ABCC12: variants seen among roughly 807,000 people sequenced by gnomAD.
ABCC12 encodes the protein ATP-binding cassette sub-family C member 12.
ABCC12 carries 142 observed loss-of-function variants against 151.1 expected under a neutral mutation model. The observed-to-expected ratio is 0.94, with a 90% CI of 0.82 to 1.08. The LOEUF is 1.08. Ranked by LOEUF, ABCC12 falls within the 50% of genes least tolerant of loss-of-function variation. ABCC12 has a pLI of 0.00. For synonymous variants in ABCC12, 645 were observed against 646.4 expected, an observed-to-expected ratio of 1.00 and a Z score of 0.03; for missense variants, 1,638 against 1,691.1, an observed-to-expected ratio of 0.97 and a Z score of 0.55.
intron 13 of ABCC12, among the ~76,000 whole-genome samples, chr16:48,119,108 A>C (rs1379447687): frequency 1.3e-5 from 2 of 152,194 alleles, no homozygotes. Flanking sequence ...TGAGAGCCAC[A>C]GTTTCTGCCC....
chr16:48,144,139 G>A, intron 3 of ABCC12, 74 bp from the exon 4 acceptor site: 1 of 1,521,650 alleles, frequency 6.6e-7, no homozygotes, highest in Non-Finnish European at 8.9e-7. Flanking sequence ...GATTGAACTT[G>A]TAACTACAGC....
chr16:48,099,713 C>T (rs1567446330), intron 23 of ABCC12, among the ~76,000 whole-genome samples: 2 of 152,162 alleles, frequency 1.3e-5, no homozygotes, highest in African/African-American at 4.8e-5. Flanking sequence ...CCCCTGGGTC[C>T]TCCTTCCTGG....
chr16:48,141,416 C>T (rs971813032), intron 4 of ABCC12, 63 bp from the exon 5 acceptor site: 9 of 1,590,880 alleles, frequency 5.7e-6, no homozygotes, highest in Non-Finnish European at 7.7e-6. Context: ...TGAAGCTACG[C>T]TGTTGGGCAT....
chr16:48,115,927 G>A (rs1597313330), intron 14 of ABCC12, among the ~76,000 whole-genome samples: 1 of 152,226 alleles, frequency 6.6e-6, no homozygotes, highest in African/African-American at 2.4e-5. Flanking sequence ...CACAGGGAGG[G>A]GCTACGTCAT....
At position 48,128,606 on chromosome 16, in the gene ABCC12, C is replaced by T; in HGVS notation, c.1368G>A (p.Leu456=). ...TGCATAAATGCCTTTTCTGGTTCTG[C>T]AATTTCTTTGGGGTACTTTTCCTGC... ...EASRKSTPKK[L]QNQKRHLCKK... is the part of the protein sequence containing the mutation. The change falls in exon 11 of 31, where the codon TTG becomes TTA. Residue 456 remains leucine (L), a synonymous_variant. Coordinates refer to ENST00000311303, the MANE Select transcript of ABCC12 (RefSeq NM_001393797.1). 1 of 1,614,222 alleles carries T rather than the reference C, an allele frequency of 6.2e-7. No homozygotes were observed.
rs1597301737 is a variant in ABCC12 at position 48,091,178 on chromosome 16, G to C, written c.3227C>G (p.Thr1076Arg). ...LSGLLQVCVR[T>R]GTETQAKFTS... The stretch of plus-strand genomic sequence containing the variant: ...GAATTTGGCTTGCGTCTCTGTTCCC[G>C]TTCGCACACACACTTGGAGCAGTCC... The change falls in exon 25 of 31, where the codon ACG becomes AGG. Residue 1076 changes from threonine to arginine, a missense_variant. Coordinates refer to ENST00000311303, the MANE Select transcript of ABCC12 (RefSeq NM_001393797.1). 2 of 1,613,968 alleles carry C rather than the reference G, an allele frequency of 1.2e-6. No individual in the cohort carries two copies. The highest frequency in any genetic ancestry group is 2.7e-5 in the African/African-American group (2 of 74,898).
chr16:48,146,316 G>A lies in ABCC12; in HGVS notation c.109C>T (p.Pro37Ser). The A allele has an allele frequency of 6.2e-7, 1 of 1,614,112 alleles. No individual in the cohort carries two copies. The highest frequency in any genetic ancestry group is 8.5e-7 in the Non-Finnish European group (1 of 1,179,990). The change falls in exon 3 of 31, where the codon CCC becomes TCC. Residue 37 changes from proline (P) to serine (S), a missense_variant. Pro to Ser is a moderately conservative substitution (Grantham distance 74, BLOSUM62 -1). Coordinates refer to ENST00000311303, the MANE Select transcript of ABCC12 (RefSeq NM_001393797.1). ...PSLKTMIPVR[P>S]CARLAPNPVD... ...CTTCTTCTGACTTACCTTGCACAGG[G>A]TCGCACTGGGATCATGGTCTTCAGG... is the stretch of plus-strand genomic sequence containing the variant.
intron 18 of ABCC12, among the ~76,000 whole-genome samples, chr16:48,110,222 G>C (rs370318528): frequency 6.6e-6 from 1 of 152,078 alleles, no homozygotes; most frequent in East Asian, 1.9e-4. Flanking sequence ...TCATCGATTC[G>C]AAGGCTCACT....
In ABCC12 at chr16:48,140,702, G is replaced by C; in HGVS notation, c.642C>G (p.His214Gln). 1.2e-6 allele frequency: 2 copies of C among 1,614,142 alleles called. No homozygotes were observed. Among genetic ancestry groups the C allele is most frequent in the Admixed American group, 3.3e-5 (2 of 60,026 alleles). ...ENLVSFKTLT[H>Q]ISVGEVLNIL... ...GCCAGCTTACCTCGCCAACAGAGAT[G>C]TGGGTCAATGTCTTGAAGGACACTA... Residue 214 changes from histidine (H) to glutamine (Q), a missense_variant, in exon 6 of 31, where the codon CAC becomes CAG. Physicochemically the swap from His to Gln is conservative, Grantham distance 24. Transcript: ENST00000311303.
chr16:48,089,080 A>G (rs1470141561), intron 25 of ABCC12, among the ~76,000 whole-genome samples: 1 of 152,214 alleles, frequency 6.6e-6, no homozygotes, highest in Admixed American at 6.5e-5. Context: ...GATGTCAGCT[A>G]CAAGAGAATC....
intron 23 of ABCC12, among the ~76,000 whole-genome samples, chr16:48,097,257 C>A (rs1253668610): frequency 6.6e-6 from 1 of 151,992 alleles, no homozygotes; most frequent in African/African-American, 2.4e-5. Context: ...TCCAAAGGAT[C>A]CCTATCGTGG....
At chr16:48,104,438 G>A (rs1461723302) in intron 21 of ABCC12, 70 bp from the exon 22 acceptor site, 8 of 1,452,154 alleles carry the variant, frequency 5.5e-6, no homozygotes, top group Non-Finnish European at 6.7e-6. Flanking sequence ...CTCTGCTGGA[G>A]GTGAAATTGT....
intron 23 of ABCC12, among the ~76,000 whole-genome samples, chr16:48,098,175 A>G (rs1472617532): frequency 1.3e-5 from 2 of 151,894 alleles, no homozygotes; most frequent in East Asian, 3.9e-4. Flanking sequence ...TGGGGGAAAG[A>G]GACCTGTGGC....
chr16:48,111,920 T>C lies in ABCC12; in HGVS notation c.1990-10A>G. On this transcript the variant is annotated splice_polypyrimidine_tract_variant and intron_variant, in intron 15 of 30. Coordinates refer to ENST00000311303, the MANE Select transcript of ABCC12 (RefSeq NM_001393797.1). ...CACAAGACTCTAAGAACTGCAGAAG[T>C]AAGTGATCGACAATGAACTTCTGCC... 1 of 1,612,348 alleles carries C rather than the reference T, an allele frequency of 6.2e-7. No homozygotes were observed. Among genetic ancestry groups the C allele is most frequent in the Non-Finnish European group, 8.5e-7 (1 of 1,179,194 alleles).
chr16:48,105,459 G>A (rs1963460656), intron 20 of ABCC12, 123 bp from the exon 21 acceptor site: 3 of 972,984 alleles, frequency 3.1e-6, no homozygotes, highest in African/African-American at 1.6e-5. Flanking sequence ...TTTTGAATGA[G>A]TCAGGTGGAT....
intron 2 of ABCC12, among the ~76,000 whole-genome samples, chr16:48,151,449 CA>C (rs1298449289): frequency 6.6e-6 from 1 of 151,392 alleles, no homozygotes; most frequent in Non-Finnish European, 1.5e-5. Context: ...ATCCTGGAAC[CA>C]AAAAAGGATG....
At position 48,081,434 on chromosome 16, in the gene ABCC12, T is replaced by C. The variant is rs75379854; in HGVS notation, c.*2281A>G. 9.5e-3 allele frequency among the ~76,000 whole-genome samples: 1,452 copies of C among 152,256 alleles called. 20 individuals carry two copies. The highest frequency in any genetic ancestry group is 0.033 in the African/African-American group (1,380 of 41,548). ...ATGATACTGATGACCATCACTGTCC[T>C]TGCAACAGGCCAAGGGGAAAGGACT... On this transcript the variant is annotated 3_prime_UTR_variant, in exon 31 of 31. Coordinates refer to ENST00000311303, the MANE Select transcript of ABCC12 (RefSeq NM_001393797.1).
At position 48,119,664 on chromosome 16, in the gene ABCC12, C is replaced by T. The variant is rs78875255; in HGVS notation, c.1712+2052G>A. Among the ~76,000 whole-genome samples, 1,205 of 152,326 alleles carry T rather than the reference C, an allele frequency of 7.9e-3. 14 individuals are homozygous for T. Among genetic ancestry groups the T allele is most frequent in the African/African-American group, 0.027 (1,121 of 41,556 alleles). ...TGATGAGAACATACATGCTGCCATA[C>T]CAGCCAGCAGGGACAGAGTTGGTGG... On this transcript the variant is annotated intron_variant, in intron 13 of 30. Coordinates refer to ENST00000311303, the MANE Select transcript of ABCC12 (RefSeq NM_001393797.1).
chr16:48,101,537 G>C (rs915535453), intron 22 of ABCC12, among the ~76,000 whole-genome samples: 1 of 152,012 alleles, frequency 6.6e-6, no homozygotes, highest in African/African-American at 2.4e-5. Flanking sequence ...AGGAGCCCTG[G>C]TGAGCAGGAG....
Sources: gnomAD v4.1 joint callset for allele counts (sites outside exome capture counted in the v4.1 genomes callset) on GRCh38, gnomAD v4.1.1 for gene constraint, MANE v1.5 for transcripts, NCBI Gene and HGNC (gene_info 2026-07-23, HGNC 2026-07-21) for gene names.